IPO11: variants seen among roughly 807,000 people sequenced by gnomAD.
The protein encoded by IPO11 is importin 11.
In IPO11, 66 loss-of-function variants were observed where a neutral mutation model predicts 143.2. That is an observed-to-expected ratio of 0.46 (90% CI 0.38 to 0.57). IPO11 has a LOEUF of 0.57. Ranked by LOEUF, IPO11 falls within the 20% of genes least tolerant of loss-of-function variation. The pLI, the probability that IPO11 is intolerant of heterozygous loss-of-function variation, is 0.00. For synonymous variants in IPO11, 385 were observed against 377.8 expected (o/e 1.02, Z -0.22); for missense variants, 1,026 against 1,141.0 (o/e 0.90, Z 1.45).
intron 27 of IPO11, chr5:62,579,355 T>C (rs1429554799): frequency 1.6e-6 from 2 of 1,247,326 alleles, no homozygotes; most frequent in Admixed American, 4.0e-5. Context: ...AAAAATTCAT[T>C]TGATGAAGTT....
intron 19 of IPO11, among the ~76,000 whole-genome samples, chr5:62,513,119 G>C (rs1741825824): frequency 6.6e-6 from 1 of 150,636 alleles, no homozygotes; most frequent in African/African-American, 2.4e-5. Flanking sequence ...CAGACGGGGT[G>C]GTGGCCGGGC....
chr5:62,483,914 T>C, intron 10 of IPO11, 96 bp from the exon 11 acceptor site: 1 of 1,029,286 alleles, frequency 9.7e-7, no homozygotes, highest in Non-Finnish European at 1.4e-6. Context: ...TGTATCTTCT[T>C]CCCTGAGAGT....
intron 20 of IPO11, among the ~76,000 whole-genome samples, chr5:62,522,149 G>T (rs1050610963): frequency 6.6e-6 from 1 of 152,144 alleles, no homozygotes; most frequent in East Asian, 1.9e-4. Flanking sequence ...AAAAAAGGAA[G>T]AAGAGTGTGA....
At chr5:62,435,345 A>C (rs1744181125) in intron 1 of IPO11, among the ~76,000 whole-genome samples, 1 of 150,896 alleles carries the variant, frequency 6.6e-6, no homozygotes, top group African/African-American at 2.4e-5. Flanking sequence ...TCATGCCTGT[A>C]ATCCCAGCAC....
intron 29 of IPO11, among the ~76,000 whole-genome samples, chr5:62,604,239 C>T (rs1481316428): frequency 2.6e-5 from 4 of 152,130 alleles, no homozygotes; most frequent in Non-Finnish European, 4.4e-5. Flanking sequence ...AATGGAGTCT[C>T]GCTCTATCAC....
chr5:62,517,588 A>G (rs1363141277), intron 20 of IPO11, among the ~76,000 whole-genome samples: 1 of 152,080 alleles, frequency 6.6e-6, no homozygotes, highest in Non-Finnish European at 1.5e-5. Flanking sequence ...TTTTTAGTAG[A>G]GATGGGGTTT....
At chr5:62,562,473 G>A (rs1309694736) in intron 27 of IPO11, among the ~76,000 whole-genome samples, 4 of 152,150 alleles carry the variant, frequency 2.6e-5, no homozygotes, top group Non-Finnish European at 4.4e-5. Context: ...CACAAGCAGT[G>A]TGCAACCTAC....
At chr5:62,545,621 C>T (rs994076129) in intron 24 of IPO11, among the ~76,000 whole-genome samples, 3 of 152,016 alleles carry the variant, frequency 2.0e-5, no homozygotes, top group East Asian at 1.9e-4. Context: ...AACTAAAGAG[C>T]GCTTCTGCAC....
At chr5:62,510,768 CT>C (rs1741722607) in intron 19 of IPO11, among the ~76,000 whole-genome samples, 1 of 152,012 alleles carries the variant, frequency 6.6e-6, no homozygotes, top group South Asian at 2.1e-4. Context: ...TGGAGTCTTG[CT>C]TTGTCACCCA....
At position 62,549,087 on chromosome 5, in the gene IPO11, GTTTTTGTTTTTTGT is replaced by G. The variant is rs4022362; in HGVS notation, c.2251-1267_2251-1254del. Among the ~76,000 whole-genome samples, 3 of 150,588 alleles carry G rather than the reference GTTTTTGTTTTTTGT, an allele frequency of 2.0e-5. 1 individual carries two copies. Among genetic ancestry groups the G allele is most frequent in the Admixed American group, 2.0e-4 (3 of 15,106 alleles). On this transcript the variant is annotated intron_variant, in intron 24 of 29. Transcript: ENST00000325324. ...TATCTTTTTTCCCAGATCTAGTTGTGTTTTTGTTTTTTGTTTTTTGTTTTTTCAAAAAAGTAAAC... is the reference window on the plus strand; with the variant it reads ...TATCTTTTTTCCCAGATCTAGTTGTGTTTTTGTTTTTTCAAAAAAGTAAAC...
chr5:62,586,499 C>G (rs1175536616), intron 27 of IPO11, among the ~76,000 whole-genome samples: 1 of 151,886 alleles, frequency 6.6e-6, no homozygotes, highest in Non-Finnish European at 1.5e-5. Flanking sequence ...CAGAGTTGGC[C>G]TTTTTGATTT....
At chr5:62,509,239 A>G (rs548735925) in intron 19 of IPO11, among the ~76,000 whole-genome samples, 114 of 152,334 alleles carry the variant, frequency 7.5e-4, no homozygotes, top group South Asian at 3.7e-3. Context: ...TCTGAAGTGA[A>G]AGAACAAAAT....
rs150409747 is a variant in IPO11, at chr5:62,604,865, A to G, written c.2763+3017A>G. On this transcript the variant is annotated intron_variant, in intron 29 of 29. Transcript: ENST00000325324. The stretch of plus-strand genomic sequence containing the variant: ...ATTTAATAAATCCAATTATGAATAC[A>G]TGCTAATTTTCCAACAACTTTAAAC... Among the ~76,000 whole-genome samples the G allele has an allele frequency of 3.3e-3, 510 of 152,334 alleles. 3 individuals are homozygous for G. Among genetic ancestry groups the G allele is most frequent in the African/African-American group, 0.011 (477 of 41,586 alleles).
intron 20 of IPO11, among the ~76,000 whole-genome samples, chr5:62,522,189 A>T (rs1452555372): frequency 6.6e-6 from 1 of 152,138 alleles, no homozygotes; most frequent in Non-Finnish European, 1.5e-5. Flanking sequence ...CAACTTCAAG[A>T]TCAGCATTTT....
intron 8 of IPO11, 132 bp from the exon 9 acceptor site, chr5:62,476,551 G>T: frequency 2.0e-6 from 2 of 977,682 alleles, no homozygotes; most frequent in Non-Finnish European, 2.9e-6. Context: ...TCTTGGTATT[G>T]CTTTTTAAAT....
intron 29 of IPO11, among the ~76,000 whole-genome samples, chr5:62,605,317 ATAAT>A (rs1397253966): frequency 6.6e-6 from 1 of 152,210 alleles, no homozygotes; most frequent in East Asian, 1.9e-4. Flanking sequence ...AATGTGCCAA[ATAAT>A]TTTCCATACG....
chr5:62,556,186 A>G (rs1467525579), intron 26 of IPO11, among the ~76,000 whole-genome samples: 4 of 152,108 alleles, frequency 2.6e-5, no homozygotes, highest in Admixed American at 6.5e-5. Context: ...TTTGACAGGC[A>G]TGTTGGCAGG....
intron 24 of IPO11, among the ~76,000 whole-genome samples, chr5:62,537,884 T>C (rs1742789518): frequency 6.6e-6 from 1 of 152,134 alleles, no homozygotes; most frequent in African/African-American, 2.4e-5. Flanking sequence ...TATTAAAATA[T>C]CTTTATGTAT....
At chr5:62,548,906 T>C (rs77416817) in intron 24 of IPO11, among the ~76,000 whole-genome samples, 1,964 of 152,252 alleles carry the variant, frequency 0.013, 35 homozygotes, top group African/African-American at 0.045. Flanking sequence ...ATTTTTTTTC[T>C]GTAATTTTAG....
Sources: allele counts gnomAD v4.1 joint callset (sites outside exome capture counted in the v4.1 genomes callset), GRCh38; gene constraint gnomAD v4.1.1; transcripts MANE v1.5; gene names NCBI Gene and HGNC (gene_info 2026-07-23, HGNC 2026-07-21).